Variants in TMEM132D observed in about 807,000 individuals in gnomAD.
TMEM132D encodes transmembrane protein 132D, also known as mature OL transmembrane protein.
TMEM132D carries 21 observed loss-of-function variants against 62.3 expected under a neutral mutation model. The ratio of observed to expected loss-of-function variants is 0.34; its 90% CI spans 0.24 to 0.49. The LOEUF (loss-of-function observed/expected upper bound fraction) is 0.49, where lower values mean the gene tolerates loss of function less well. TMEM132D is among the 20% of genes least tolerant of loss of function. The pLI is 0.99. For missense variants in TMEM132D, 1,346 were observed against 1,402.8 expected (o/e 0.96, Z 0.65); for synonymous variants, 621 against 575.6 (o/e 1.08, Z -1.13).
At chr12:129,215,603 G>T (rs1338061710) in intron 4 of TMEM132D, among the ~76,000 whole-genome samples, 3 of 152,204 alleles carry the variant, frequency 2.0e-5, no homozygotes, top group African/African-American at 4.8e-5. Context: ...ACCGCATCTT[G>T]TGACTCAAAG....
rs115573435 is a variant in TMEM132D, at chr12:129,677,741, T to C, written c.968+22069A>G. 7.8e-3 allele frequency among the ~76,000 whole-genome samples: 1,180 copies of C among 152,134 alleles called. 14 individuals carry two copies. The highest frequency in any genetic ancestry group is 0.027 in the African/African-American group (1,115 of 41,512). ...ACCCAGGTGAGAACTAGAACACGTT[T>C]AGTATTCTGATGTCCCTGCGTGACC... On this transcript the variant is annotated intron_variant, in intron 2 of 8. Coordinates refer to ENST00000422113, the MANE Select transcript of TMEM132D (RefSeq NM_133448.3).
At chr12:129,312,183 G>T (rs1176232693) in intron 4 of TMEM132D, among the ~76,000 whole-genome samples, 1 of 152,160 alleles carries the variant, frequency 6.6e-6, no homozygotes, top group Non-Finnish European at 1.5e-5. Flanking sequence ...AAATTCAAAG[G>T]TGTACTGTGG....
chr12:129,413,052 A>C (rs1019014058), intron 3 of TMEM132D, among the ~76,000 whole-genome samples: 1 of 152,184 alleles, frequency 6.6e-6, no homozygotes, highest in Non-Finnish European at 1.5e-5. Context: ...AGAGTCAAAT[A>C]GTATATAATT....
chr12:129,872,038 G>A (rs938703956), intron 1 of TMEM132D, among the ~76,000 whole-genome samples: 9 of 152,160 alleles, frequency 5.9e-5, no homozygotes, highest in East Asian at 3.9e-4. Context: ...GCAAAGAGGC[G>A]GCTCCTTAAT....
In TMEM132D at chr12:129,700,538, C is replaced by T. The variant is rs746815581; in HGVS notation, c.240G>A (p.Glu80=). ...MRNSSLQSRV[E]SFLIYKSRRL... is the part of the protein sequence containing the mutation. ...TCCTGGATTTGTAAATCAGAAATGA[C>T]TCCACCCGGGACTGCAGGCTGGAGT... is the stretch of plus-strand genomic sequence containing the variant. The change falls in exon 2 of 9, where the codon GAG becomes GAA. Residue 80 remains glutamate, a synonymous_variant. Coordinates refer to ENST00000422113, the MANE Select transcript of TMEM132D (RefSeq NM_133448.3). 1 of 1,614,132 alleles carries T rather than the reference C, an allele frequency of 6.2e-7. No individual in the cohort carries two copies. The highest frequency in any genetic ancestry group is 8.5e-7 in the Non-Finnish European group (1 of 1,180,032).
chr12:129,224,286 T>A (rs1879423555), intron 4 of TMEM132D, among the ~76,000 whole-genome samples: 1 of 152,174 alleles, frequency 6.6e-6, no homozygotes, highest in Admixed American at 6.5e-5. Flanking sequence ...TTCCCGGGGA[T>A]CCTCCCATCA....
chr12:129,833,360 G>A (rs530585173), intron 1 of TMEM132D, among the ~76,000 whole-genome samples: 231 of 152,250 alleles, frequency 1.5e-3, no homozygotes, highest in Non-Finnish European at 2.8e-3. Context: ...CAGCACTTTG[G>A]GAGGCTGAGG....
At chr12:129,682,795 C>A (rs1593118463) in intron 2 of TMEM132D, 1 of 142,314 alleles carries the variant, frequency 7.0e-6, no homozygotes, top group Admixed American at 7.7e-5. Context: ...GGAGGTGGAG[C>A]TTGCAGTGAG....
At chr12:129,391,902 G>A (rs1004720012) in intron 3 of TMEM132D, among the ~76,000 whole-genome samples, 7 of 140,172 alleles carry the variant, frequency 5.0e-5, no homozygotes, top group Non-Finnish European at 7.8e-5. Flanking sequence ...GATTACAGGC[G>A]CCCACCACCA....
At chr12:129,648,160 A>G (rs1879834421) in intron 2 of TMEM132D, among the ~76,000 whole-genome samples, 1 of 152,026 alleles carries the variant, frequency 6.6e-6, no homozygotes, top group African/African-American at 2.4e-5. Flanking sequence ...TAACATCACT[A>G]TTGACAAACC....
chr12:129,643,619 G>A (rs1442300908), intron 2 of TMEM132D, among the ~76,000 whole-genome samples: 9 of 152,194 alleles, frequency 5.9e-5, no homozygotes, highest in Non-Finnish European at 1.2e-4. Flanking sequence ...AAAGGGAAAA[G>A]TCAAGCTGGG....
At chr12:129,492,872 G>A (rs1874841756) in intron 3 of TMEM132D, among the ~76,000 whole-genome samples, 2 of 152,110 alleles carry the variant, frequency 1.3e-5, no homozygotes, top group African/African-American at 4.8e-5. Flanking sequence ...TGTGATCCAA[G>A]CCAGCTCACA....
intron 3 of TMEM132D, among the ~76,000 whole-genome samples, chr12:129,498,646 G>C (rs931871763): frequency 6.6e-6 from 1 of 152,206 alleles, no homozygotes; most frequent in Admixed American, 6.5e-5. Context: ...CAGAGTTTTG[G>C]ATAGATGCGT....
At chr12:129,365,465 GAAT>G (rs1455248370) in intron 3 of TMEM132D, among the ~76,000 whole-genome samples, 3 of 152,156 alleles carry the variant, frequency 2.0e-5, no homozygotes, top group African/African-American at 7.2e-5. Context: ...ACAAATTGGA[GAAT>G]AATAAATGCC....
intron 3 of TMEM132D, among the ~76,000 whole-genome samples, chr12:129,437,563 G>T (rs1481252663): frequency 2.6e-5 from 4 of 152,028 alleles, no homozygotes; most frequent in African/African-American, 9.7e-5. Context: ...TGAAATGTTG[G>T]TAAGGATGTG....
rs149875793 is a variant in TMEM132D at position 129,364,243 on chromosome 12, TA to T, written c.1116-26427del. 5.8e-3 allele frequency among the ~76,000 whole-genome samples: 891 copies of T among 152,314 alleles called. 5 individuals are homozygous for T. The highest frequency in any genetic ancestry group is 0.02 in the African/African-American group (843 of 41,570). On this transcript the variant is annotated intron_variant, in intron 3 of 8. Transcript: ENST00000422113. ...CTTAACTCCTTGAGCCTCAGGTTTT[TA>T]AACAATAAAATGGTCAATAATTGTA...
chr12:129,653,567 G>T (rs1287679550), intron 2 of TMEM132D, among the ~76,000 whole-genome samples: 1 of 152,178 alleles, frequency 6.6e-6, no homozygotes, highest in Non-Finnish European at 1.5e-5. Flanking sequence ...ATTGGAATGA[G>T]TTGCCCAGCA....
intron 2 of TMEM132D, among the ~76,000 whole-genome samples, chr12:129,672,430 A>G (rs796224994): frequency 2.6e-5 from 4 of 152,298 alleles, no homozygotes; most frequent in African/African-American, 9.6e-5. Context: ...GTGCCCAACA[A>G]GTGTACATTT....
At chr12:129,111,325 G>A (rs1402916398) in intron 5 of TMEM132D, 1 of 152,208 alleles carries the variant, frequency 6.6e-6, no homozygotes, top group Non-Finnish European at 1.5e-5. Context: ...GTATGGCCCT[G>A]CCTACACCTT....
Sources: gnomAD v4.1 joint callset for allele counts (sites outside exome capture counted in the v4.1 genomes callset) on GRCh38, gnomAD v4.1.1 for gene constraint, MANE v1.5 for transcripts, NCBI Gene and HGNC (gene_info 2026-07-23, HGNC 2026-07-21) for gene names.